NRXN1: variants seen among roughly 807,000 people sequenced by gnomAD.
NRXN1 encodes neurexin 1.
In NRXN1, 39 loss-of-function variants were observed where a neutral mutation model predicts 150.9. The observed-to-expected ratio is 0.26, with a 90% CI of 0.20 to 0.34. The LOEUF is 0.34. Ranked by LOEUF, NRXN1 falls within the 10% of genes least tolerant of loss-of-function variation. The probability of loss-of-function intolerance (pLI) is 1.00; values close to 1 mark genes in which losing one functional copy is unlikely to be tolerated. For missense variants in NRXN1, 1,815 were observed against 1,949.9 expected (o/e 0.93, Z 1.30); for synonymous variants, 924 against 757.0 (o/e 1.22, Z -3.62).
At chr2:50,151,979 G>A (rs2058724357) in intron 18 of NRXN1, among the ~76,000 whole-genome samples, 1 of 151,686 alleles carries the variant, frequency 6.6e-6, no homozygotes, top group African/African-American at 2.4e-5. Flanking sequence ...ACCAATAGAA[G>A]CAGCATGCTG....
intron 17 of NRXN1, among the ~76,000 whole-genome samples, chr2:50,302,303 G>A (rs970697724): frequency 1.3e-5 from 2 of 152,030 alleles, no homozygotes; most frequent in Non-Finnish European, 2.9e-5. Flanking sequence ...CTTTGCTTTA[G>A]ATAACTTTAA....
At chr2:50,230,539 A>T (rs1279059031) in intron 18 of NRXN1, among the ~76,000 whole-genome samples, 1 of 152,082 alleles carries the variant, frequency 6.6e-6, no homozygotes, top group Admixed American at 6.6e-5. Flanking sequence ...AGTACTCAGA[A>T]TGGAGACAGA....
intron 12 of NRXN1, among the ~76,000 whole-genome samples, chr2:50,522,737 T>C (rs1047701575): frequency 2.3e-5 from 3 of 127,744 alleles, no homozygotes; most frequent in Non-Finnish European, 4.9e-5. Context: ...TTTTTTTTTT[T>C]TTTTTTTTTT....
intron 12 of NRXN1, among the ~76,000 whole-genome samples, chr2:50,523,795 T>C (rs1009463713): frequency 1.3e-5 from 2 of 152,190 alleles, no homozygotes; most frequent in Non-Finnish European, 2.9e-5. Context: ...AGATGCCCCT[T>C]CTCTCCAATA....
At chr2:50,606,479 A>G (rs2104006792) in intron 8 of NRXN1, among the ~76,000 whole-genome samples, 1 of 151,794 alleles carries the variant, frequency 6.6e-6, no homozygotes, top group South Asian at 2.1e-4. Context: ...AATAATTATA[A>G]AATTTCATTA....
chr2:50,755,729 T>G (rs1324627462), intron 5 of NRXN1, among the ~76,000 whole-genome samples: 1 of 151,826 alleles, frequency 6.6e-6, no homozygotes, highest in African/African-American at 2.4e-5. Context: ...CACTTTACAT[T>G]TAAACTAACA....
At chr2:50,298,804 C>T (rs1406247296) in intron 17 of NRXN1, among the ~76,000 whole-genome samples, 1 of 152,090 alleles carries the variant, frequency 6.6e-6, no homozygotes, top group South Asian at 2.1e-4. Flanking sequence ...TGGATATATT[C>T]CTTGCCTCTT....
chr2:50,419,364 C>T (rs1268920776), intron 17 of NRXN1, among the ~76,000 whole-genome samples: 1 of 152,058 alleles, frequency 6.6e-6, no homozygotes, highest in Non-Finnish European at 1.5e-5. Flanking sequence ...GCTAAAGTTT[C>T]ACAGCGAATA....
At chr2:50,941,772 T>A (rs560619208) in intron 2 of NRXN1, among the ~76,000 whole-genome samples, 167 of 152,290 alleles carry the variant, frequency 1.1e-3, no homozygotes, top group Non-Finnish European at 2.1e-3. Context: ...AAACAGAGCA[T>A]AAAAGTTTTG....
chr2:50,721,123 T>C (rs1242663360), intron 5 of NRXN1, among the ~76,000 whole-genome samples: 1 of 152,130 alleles, frequency 6.6e-6, no homozygotes, highest in Non-Finnish European at 1.5e-5. Context: ...GTTTAGCCAC[T>C]AGATGACTCA....
At chr2:50,645,801 G>C (rs17040914) in intron 5 of NRXN1, among the ~76,000 whole-genome samples, 14,109 of 151,854 alleles carry the variant, frequency 0.093, 659 homozygotes, top group Admixed American at 0.1. Flanking sequence ...TGATTACAGA[G>C]CTCAAAGAAT....
chr2:50,142,908 G>C (rs1326130024), intron 18 of NRXN1, among the ~76,000 whole-genome samples: 1 of 151,872 alleles, frequency 6.6e-6, no homozygotes, highest in Non-Finnish European at 1.5e-5. Context: ...ACAGTAAGAA[G>C]TCACCAGAAA....
chr2:50,269,721 G>A (rs1364219288), intron 17 of NRXN1, among the ~76,000 whole-genome samples: 3 of 152,204 alleles, frequency 2.0e-5, no homozygotes, highest in East Asian at 1.9e-4. Context: ...ATAAATTAGC[G>A]CAATTTTGAA....
At chr2:50,656,145 C>T (rs1686421833) in intron 5 of NRXN1, among the ~76,000 whole-genome samples, 1 of 151,930 alleles carries the variant, frequency 6.6e-6, no homozygotes, top group African/African-American at 2.4e-5. Context: ...AACTTCCAAA[C>T]TATTGTTCCT....
chr2:50,752,187 A>G (rs1404198411), intron 5 of NRXN1, among the ~76,000 whole-genome samples: 1 of 151,984 alleles, frequency 6.6e-6, no homozygotes, highest in Non-Finnish European at 1.5e-5. Context: ...AACAGTGGGT[A>G]AAAGAGCATC....
chr2:50,065,964 G>T (rs1176250154), intron 19 of NRXN1, among the ~76,000 whole-genome samples: 3 of 152,056 alleles, frequency 2.0e-5, no homozygotes, highest in Non-Finnish European at 4.4e-5. Flanking sequence ...TTTCCTTCTT[G>T]CCTATTTCTT....
intron 21 of NRXN1, among the ~76,000 whole-genome samples, chr2:49,998,552 CT>C (rs1683377950): frequency 6.6e-6 from 1 of 151,954 alleles, no homozygotes; most frequent in Admixed American, 6.6e-5. Context: ...TTGGAGCATA[CT>C]TCTTTATGTA....
chr2:50,301,440 T>G (rs557824807), intron 17 of NRXN1, among the ~76,000 whole-genome samples: 4 of 152,226 alleles, frequency 2.6e-5, no homozygotes, highest in African/African-American at 7.2e-5. Flanking sequence ...CACAACATCA[T>G]ACATTTAACA....
At position 50,320,410 on chromosome 2, in the gene NRXN1, C is replaced by CTATAAAAATGTTATAG. The variant is rs539727021; in HGVS notation, c.3365-83441_3365-83440insCTATAACATTTTTATA. 4.0e-3 allele frequency among the ~76,000 whole-genome samples: 590 copies of CTATAAAAATGTTATAG among 146,292 alleles called. 2 individuals are homozygous for CTATAAAAATGTTATAG. Among genetic ancestry groups the CTATAAAAATGTTATAG allele is most frequent in the African/African-American group, 0.014 (572 of 39,786 alleles). On this transcript the variant is annotated intron_variant, in intron 17 of 22. Transcript: ENST00000401669. ...AATAAAAAATAAGCATAGTATCTTA[C>CTATAAAAATGTTATAG]TATAAAAATGTTATACTTAGAAGAG...
Sources: allele counts gnomAD v4.1 joint callset (sites outside exome capture counted in the v4.1 genomes callset), GRCh38; gene constraint gnomAD v4.1.1; transcripts MANE v1.5; gene names NCBI Gene and HGNC (gene_info 2026-07-23, HGNC 2026-07-21).